The following CPEB3 variants were observed in gnomAD, a reference collection of about 807,000 sequenced individuals.
CPEB3 encodes the protein cytoplasmic polyadenylation element-binding protein 3.
A neutral mutation model predicts 67.2 loss-of-function variants in CPEB3; 20 were observed. The observed-to-expected ratio is 0.30, with a 90% CI of 0.21 to 0.43. CPEB3 has a LOEUF of 0.43. Ranked by LOEUF, CPEB3 falls within the 20% of genes least tolerant of loss-of-function variation. The pLI, the probability that CPEB3 is intolerant of heterozygous loss-of-function variation, is 1.00. For synonymous variants in CPEB3, 376 were observed against 393.1 expected (o/e 0.96, Z 0.51); for missense variants, 746 against 968.6 (o/e 0.77, Z 3.05).
intron 2 of CPEB3, among the ~76,000 whole-genome samples, chr10:92,225,155 A>C (rs1283977411): frequency 2.6e-5 from 4 of 151,804 alleles, no homozygotes; most frequent in Non-Finnish European, 4.4e-5. Context: ...TTGTATTTTT[A>C]GTAGAGATGG....
intron 6 of CPEB3, among the ~76,000 whole-genome samples, chr10:92,121,842 C>T (rs1319664142): frequency 6.6e-6 from 1 of 152,164 alleles, no homozygotes; most frequent in Non-Finnish European, 1.5e-5. Flanking sequence ...CTTCCTATTA[C>T]CAGTGACCTT....
chr10:92,260,582 A>C (rs1340172685), intron 1 of CPEB3, among the ~76,000 whole-genome samples: 3 of 151,786 alleles, frequency 2.0e-5, no homozygotes, highest in Non-Finnish European at 4.4e-5. Flanking sequence ...ATTTGTCTTC[A>C]AGATAATTTT....
At chr10:92,057,048 C>T (rs907154207) in intron 9 of CPEB3, among the ~76,000 whole-genome samples, 2 of 152,182 alleles carry the variant, frequency 1.3e-5, no homozygotes, top group Non-Finnish European at 2.9e-5. Context: ...CTGAAGAGCC[C>T]TTGGGCCCTG....
At chr10:92,067,880 C>T (rs187637259) in intron 9 of CPEB3, among the ~76,000 whole-genome samples, 4 of 152,264 alleles carry the variant, frequency 2.6e-5, no homozygotes, top group Non-Finnish European at 5.9e-5. Flanking sequence ...AGCTTTTCCA[C>T]ACCAACAAAT....
intron 4 of CPEB3, among the ~76,000 whole-genome samples, chr10:92,165,635 C>T (rs1040222613): frequency 6.6e-6 from 1 of 152,068 alleles, no homozygotes; most frequent in Non-Finnish European, 1.5e-5. Context: ...AAACTGGATT[C>T]GATCCTTTCA....
intron 7 of CPEB3, among the ~76,000 whole-genome samples, chr10:92,096,818 C>A (rs557670242): frequency 6.6e-6 from 1 of 152,100 alleles, no homozygotes; most frequent in African/African-American, 2.4e-5. Flanking sequence ...TGGCAGGCAC[C>A]GGTAATCCCA....
At chr10:92,257,967 TG>T (rs1350712214) in intron 1 of CPEB3, among the ~76,000 whole-genome samples, 1 of 152,134 alleles carries the variant, frequency 6.6e-6, no homozygotes, top group Non-Finnish European at 1.5e-5. Flanking sequence ...TGACCTCAGA[TG>T]ATTCGCCAAC....
rs909581502 is a variant in CPEB3 at position 92,239,280 on chromosome 10, A to G, written c.1005+66T>C. On this transcript the variant is annotated intron_variant, in intron 2 of 9. Transcript: ENST00000265997. This position sits in a 1 kb window ranked among gnomAD's most constrained non-coding sequence, Gnocchi z 6.0. ...TAAATATAAGCGGGTGGATGATTAA[A>G]AGTCAGAGAAGTGGCAAAAGGAGCG... is the stretch of plus-strand genomic sequence containing the variant. 5 of 1,523,678 alleles carry G rather than the reference A, an allele frequency of 3.3e-6. No individual in the cohort carries two copies. Among genetic ancestry groups the G allele is most frequent in the Non-Finnish European group, 3.6e-6 (4 of 1,122,764 alleles). 94.4% of individuals were successfully genotyped at this position (1,523,678 alleles called of 1,614,324 possible). A position where few individuals can be genotyped will look rare whatever the true frequency, so the allele number is the denominator to read the frequency against.
At chr10:92,106,015 C>T (rs1056022115) in intron 7 of CPEB3, among the ~76,000 whole-genome samples, 19 of 152,094 alleles carry the variant, frequency 1.2e-4, no homozygotes, top group Admixed American at 1.2e-3. Context: ...GCCTCAACAT[C>T]CCGAGTAGCT....
chr10:92,053,857 T>C (rs1381977213), intron 9 of CPEB3, among the ~76,000 whole-genome samples: 2 of 151,812 alleles, frequency 1.3e-5, no homozygotes, highest in Non-Finnish European at 2.9e-5. Flanking sequence ...ACTTATTTTT[T>C]GTATTTTTAG....
At chr10:92,066,802 T>C (rs1285763038) in intron 9 of CPEB3, among the ~76,000 whole-genome samples, 1 of 152,160 alleles carries the variant, frequency 6.6e-6, no homozygotes, top group African/African-American at 2.4e-5. Flanking sequence ...TCTAGCACTT[T>C]GGGAGGCCGA....
intron 3 of CPEB3, among the ~76,000 whole-genome samples, chr10:92,183,335 T>C (rs1459541188): frequency 6.6e-6 from 1 of 152,174 alleles, no homozygotes; most frequent in Non-Finnish European, 1.5e-5. Context: ...AGTTCCTAAG[T>C]CATTTTAGAG....
intron 7 of CPEB3, among the ~76,000 whole-genome samples, chr10:92,095,395 C>T (rs1013551309): frequency 8.6e-5 from 13 of 152,022 alleles, no homozygotes; most frequent in African/African-American, 3.1e-4. Flanking sequence ...TCAACACACT[C>T]TATATACTAA....
intron 2 of CPEB3, among the ~76,000 whole-genome samples, chr10:92,198,465 C>T (rs2134221815): frequency 6.6e-6 from 1 of 152,304 alleles, no homozygotes; most frequent in African/African-American, 2.4e-5. Flanking sequence ...CCCAGGTCCG[C>T]CTCTAACAGC....
chr10:92,100,604 TG>T (rs1844133844), intron 7 of CPEB3, among the ~76,000 whole-genome samples: 1 of 151,016 alleles, frequency 6.6e-6, no homozygotes, highest in Non-Finnish European at 1.5e-5. Flanking sequence ...TTTTTTGTTT[TG>T]TTTTGAGACA....
chr10:92,290,953 C>T lies in CPEB3; in HGVS notation c.-39G>A, dbSNP rs1842841495. ...TGTTGCTACCGACAGTGGAGCGGCG[C>T]ATCCTGCTGCTTCCTGGAAAGCGGC... On this transcript the variant is annotated 5_prime_UTR_variant, in exon 1 of 10. An upstream start codon of the reference 5' UTR is lost. Transcript: ENST00000265997. 6.3e-6 allele frequency: 1 copy of T among 159,898 alleles called. No homozygotes were observed. Among genetic ancestry groups the T allele is most frequent in the African/African-American group, 2.4e-5 (1 of 41,506 alleles). The allele number at this position is 159,898 out of a possible 1,614,324, so 9.9% of individuals were successfully genotyped here.
intron 1 of CPEB3, among the ~76,000 whole-genome samples, chr10:92,278,580 T>C (rs1288328354): frequency 1.3e-5 from 2 of 151,854 alleles, no homozygotes; most frequent in Admixed American, 6.6e-5. Flanking sequence ...CCTACAACTT[T>C]GCTGAACTCA....
At position 92,281,915 on chromosome 10, in the gene CPEB3, T is replaced by C. The variant is rs79738886; in HGVS notation, c.-12+9011A>G. On this transcript the variant is annotated intron_variant, in intron 1 of 9. Transcript: ENST00000265997. ...CTAACGCAGTGAAAAATGCAAATAA[T>C]GTTTTACTACTATTATGAAATAGTC... 5.2e-3 allele frequency among the ~76,000 whole-genome samples: 792 copies of C among 152,272 alleles called. 3 individuals are homozygous for C. Among genetic ancestry groups the C allele is most frequent in the Non-Finnish European group, 7.3e-3 (497 of 68,034 alleles).
intron 1 of CPEB3, among the ~76,000 whole-genome samples, chr10:92,253,833 C>G (rs919445185): frequency 2.0e-5 from 3 of 151,956 alleles, no homozygotes; most frequent in African/African-American, 7.3e-5. Context: ...GGAGGGGGAG[C>G]CTTAGGTCTG....
Sources: allele counts gnomAD v4.1 joint callset (sites outside exome capture counted in the v4.1 genomes callset), GRCh38; gene constraint gnomAD v4.1.1; non-coding constraint Gnocchi (gnomAD v3.1); transcripts MANE v1.5; gene names NCBI Gene and HGNC (gene_info 2026-07-23, HGNC 2026-07-21).